The following NFATC3 variants were observed in gnomAD, a reference collection of about 807,000 sequenced individuals.
NFATC3 encodes the protein nuclear factor of activated T-cells, cytoplasmic 3.
A neutral mutation model predicts 98.6 loss-of-function variants in NFATC3; 46 were observed. The observed-to-expected ratio is 0.47, with a 90% CI of 0.37 to 0.60. The LOEUF (loss-of-function observed/expected upper bound fraction) is 0.60, where lower values mean the gene tolerates loss of function less well. Among genes scored for constraint, NFATC3 ranks in the 20% least tolerant of loss-of-function variants. NFATC3 has a pLI of 0.00. For missense variants in NFATC3, 1,256 were observed against 1,295.5 expected, an observed-to-expected ratio of 0.97 and a Z score of 0.47; for synonymous variants, 512 against 472.2, an observed-to-expected ratio of 1.08 and a Z score of -1.09.
At chr16:68,187,122 G>A (rs2040237696) in intron 8 of NFATC3, among the ~76,000 whole-genome samples, 1 of 152,246 alleles carries the variant, frequency 6.6e-6, no homozygotes, top group Non-Finnish European at 1.5e-5. Flanking sequence ...AGGCACGCTG[G>A]CTATGGAGGG....
At chr16:68,101,584 C>T (rs545355131) in intron 1 of NFATC3, among the ~76,000 whole-genome samples, 2 of 151,634 alleles carry the variant, frequency 1.3e-5, no homozygotes, top group Non-Finnish European at 2.9e-5. Flanking sequence ...CCCGGGTTCA[C>T]GCCATTCTCT....
chr16:68,124,506 T>G (rs2036731697), intron 2 of NFATC3, among the ~76,000 whole-genome samples: 1 of 150,860 alleles, frequency 6.6e-6, no homozygotes, highest in Admixed American at 6.6e-5. Flanking sequence ...GATCTCGGCT[T>G]ACTGCAAGCT....
At position 68,126,462 on chromosome 16, in the gene NFATC3, C is replaced by T. The variant is rs1027131094; in HGVS notation, c.1253C>T (p.Pro418Leu). The change falls in exon 3 of 10, where the codon CCT becomes CTT. Residue 418 changes from proline to leucine, a missense_variant. By Grantham distance (98) the Pro-to-Leu change is moderately conservative. Coordinates refer to ENST00000346183, the MANE Select transcript of NFATC3 (RefSeq NM_173165.3). ...TTTGTTTGTAGCACATCTTCATTAC[C>T]TCCACTAGACTGGCCTTTACCAGCT... is the stretch of plus-strand genomic sequence containing the variant. ...HTPIFRTSSL[P>L]PLDWPLPAHF... The T allele has an allele frequency of 1.3e-5, 21 of 1,609,432 alleles. No individual in the cohort carries two copies. The highest frequency in any genetic ancestry group is 1.6e-5 in the Non-Finnish European group (19 of 1,176,992).
At chr16:68,086,087 C>T (rs756845212) in intron 1 of NFATC3, among the ~76,000 whole-genome samples, 13 of 152,242 alleles carry the variant, frequency 8.5e-5, no homozygotes, top group Non-Finnish European at 1.8e-4. Context: ...GTTGTCGTTG[C>T]TTTGCCAGTG....
chr16:68,155,688 T>TCAGTTAAAGTC (rs11275011), intron 3 of NFATC3, among the ~76,000 whole-genome samples: 32,939 of 151,982 alleles, frequency 0.22, 4,109 homozygotes, highest in African/African-American at 0.34. Flanking sequence ...GACTATAGCT[T>TCAGTTAAAGTC]CAGACACAGT....
chr16:68,191,268 G>A lies in NFATC3; in HGVS notation c.2599G>A (p.Ala867Thr). ...SNSGSTGHLL[A>T]HTPHSVHTLP... ...TTCAGGCTCAACAGGACATCTCTTA[G>A]CCCATACACCTCATTCTGTGCATAC... Residue 867 changes from alanine (A) to threonine (T), a missense_variant, in exon 9 of 10, where the codon GCC (alanine) becomes ACC (threonine). Transcript: ENST00000346183. The A allele has an allele frequency of 6.2e-7, 1 of 1,614,092 alleles. No individual in the cohort carries two copies. Among genetic ancestry groups the A allele is most frequent in the African/African-American group, 1.3e-5 (1 of 74,998 alleles).
intron 1 of NFATC3, chr16:68,086,522 C>A: frequency 3.0e-6 from 1 of 329,084 alleles, no homozygotes; most frequent in Non-Finnish European, 4.3e-6. Context: ...CACCATCATG[C>A]TTGCAGGTCA....
chr16:68,187,439 C>T (rs780670708), intron 8 of NFATC3, among the ~76,000 whole-genome samples: 6 of 152,078 alleles, frequency 3.9e-5, no homozygotes, highest in Admixed American at 6.6e-5. Context: ...TGTCCTGTGC[C>T]CAGGAAGAAT....
In NFATC3 at chr16:68,085,514, G is replaced by A. The variant is rs1226299897; in HGVS notation, c.-168G>A. 4 of 557,416 alleles carry A rather than the reference G, an allele frequency of 7.2e-6. No homozygotes were observed. The allele number at this position is 557,416 out of a possible 1,614,324, so 34.5% of individuals were successfully genotyped here. ...GCTGCTCGGCGCGCGGCCAGCTTTC[G>A]GAACGGAACGCTCGGCGTCGCGGGC... On this transcript the variant is annotated 5_prime_UTR_variant, in exon 1 of 10. Coordinates refer to ENST00000346183, the MANE Select transcript of NFATC3 (RefSeq NM_173165.3).
At chr16:68,166,002 T>C (rs1052156833) in intron 4 of NFATC3, among the ~76,000 whole-genome samples, 2 of 152,254 alleles carry the variant, frequency 1.3e-5, no homozygotes, top group Admixed American at 6.5e-5. Flanking sequence ...ATACCTTAAA[T>C]GCAGAACCTT....
chr16:68,128,164 A>T (rs1461896090), intron 3 of NFATC3, among the ~76,000 whole-genome samples: 1 of 152,064 alleles, frequency 6.6e-6, no homozygotes, highest in African/African-American at 2.4e-5. Context: ...AATGGTATTT[A>T]TTGAATACTG....
chr16:68,101,218 C>A (rs2035336365), intron 1 of NFATC3, among the ~76,000 whole-genome samples: 1 of 151,932 alleles, frequency 6.6e-6, no homozygotes, highest in Non-Finnish European at 1.5e-5. Context: ...TTATGGCTCG[C>A]TGCAGCATCA....
intron 9 of NFATC3, among the ~76,000 whole-genome samples, chr16:68,224,126 TAAA>T (rs1174161190): frequency 1.5e-4 from 11 of 72,480 alleles, no homozygotes; most frequent in Non-Finnish European, 1.5e-4. Flanking sequence ...TGCACCAGTT[TAAA>T]AAAAAAAAAA....
chr16:68,158,320 G>A (rs2038716426), intron 4 of NFATC3, among the ~76,000 whole-genome samples: 1 of 152,006 alleles, frequency 6.6e-6, no homozygotes, highest in Non-Finnish European at 1.5e-5. Flanking sequence ...TACTGTATCT[G>A]GACTTTCATC....
chr16:68,180,725 A>G lies in NFATC3; in HGVS notation c.1916-750A>G, dbSNP rs149114358. Among the ~76,000 whole-genome samples the G allele has an allele frequency of 6.5e-3, 995 of 152,216 alleles. 16 individuals are homozygous for G. The highest frequency in any genetic ancestry group is 0.023 in the African/African-American group (954 of 41,536). ...GTCTCAAGTGTGTTCTCATTGTTCA[A>G]TTCCCACCTATGAGTGAGAACATGC... On this transcript the variant is annotated intron_variant, in intron 6 of 9. Coordinates refer to ENST00000346183, the MANE Select transcript of NFATC3 (RefSeq NM_173165.3).
At chr16:68,086,815 T>C (rs2151433196) in intron 1 of NFATC3, 1 of 980,046 alleles carries the variant, frequency 1.0e-6, no homozygotes, top group South Asian at 4.7e-5. Flanking sequence ...ATTTTATCGG[T>C]CCTTTTAGTC....
chr16:68,167,061 T>G (rs775629902), intron 5 of NFATC3, 46 bp downstream of exon 5: 1 of 1,556,126 alleles, frequency 6.4e-7, no homozygotes, highest in Non-Finnish European at 8.8e-7. Flanking sequence ...GTATAATAGC[T>G]TATTTTCTGT....
At chr16:68,109,051 G>A (rs1414214259) in intron 1 of NFATC3, among the ~76,000 whole-genome samples, 1 of 152,124 alleles carries the variant, frequency 6.6e-6, no homozygotes, top group Non-Finnish European at 1.5e-5. Context: ...CTTCCTATGC[G>A]AATACCCTGT....
intron 9 of NFATC3, among the ~76,000 whole-genome samples, chr16:68,201,597 A>G (rs1165711078): frequency 2.0e-5 from 3 of 151,530 alleles, no homozygotes. Flanking sequence ...CATTTTAATT[A>G]AGATTTGATT....
Sources: allele counts gnomAD v4.1 joint callset (sites outside exome capture counted in the v4.1 genomes callset), GRCh38; gene constraint gnomAD v4.1.1; transcripts MANE v1.5; gene names NCBI Gene and HGNC (gene_info 2026-07-23, HGNC 2026-07-21).